The following CNTNAP5 variants were observed in gnomAD, a reference collection of about 807,000 sequenced individuals.
The protein encoded by CNTNAP5 is contactin associated protein family member 5.
CNTNAP5 carries 72 observed loss-of-function variants against 150.2 expected under a neutral mutation model. That is an observed-to-expected ratio of 0.48 (90% CI 0.40 to 0.58). CNTNAP5 has a LOEUF of 0.58. Among genes scored for constraint, CNTNAP5 ranks in the 20% least tolerant of loss-of-function variants. The pLI is 0.00. For synonymous variants in CNTNAP5, 672 were observed against 619.8 expected, an observed-to-expected ratio of 1.08 and a Z score of -1.25; for missense variants, 1,636 against 1,626.2, an observed-to-expected ratio of 1.01 and a Z score of -0.10.
At chr2:124,070,403 A>G (rs1682275842) in intron 1 of CNTNAP5, among the ~76,000 whole-genome samples, 1 of 135,550 alleles carries the variant, frequency 7.4e-6, no homozygotes, top group Non-Finnish European at 1.7e-5. Context: ...GGGGAAAAAA[A>G]AAAAAAAAAA....
At chr2:124,610,197 T>A (rs1272912245) in intron 12 of CNTNAP5, among the ~76,000 whole-genome samples, 1 of 152,280 alleles carries the variant, frequency 6.6e-6, no homozygotes, top group East Asian at 1.9e-4. Context: ...CAAGGGCATT[T>A]TCTCTCCTGA....
intron 3 of CNTNAP5, among the ~76,000 whole-genome samples, chr2:124,385,987 A>G (rs1037732522): frequency 7.6e-6 from 1 of 132,316 alleles, no homozygotes; most frequent in African/African-American, 2.6e-5. Context: ...GCACGTAGAC[A>G]ACATCGATGT....
At chr2:124,487,656 T>C (rs1481673056) in intron 7 of CNTNAP5, among the ~76,000 whole-genome samples, 1 of 151,976 alleles carries the variant, frequency 6.6e-6, no homozygotes, top group Admixed American at 6.6e-5. Flanking sequence ...GAAGCTCATT[T>C]CATGTGCATG....
chr2:124,280,575 G>C (rs72962899), intron 3 of CNTNAP5, among the ~76,000 whole-genome samples: 1 of 152,188 alleles, frequency 6.6e-6, no homozygotes, highest in East Asian at 1.9e-4. Context: ...AATGGCGAGT[G>C]ATTTCAGCAC....
At position 124,902,873 on chromosome 2, in the gene CNTNAP5, A is replaced by T. The variant is rs1678441781; in HGVS notation, c.3437-9A>T. On this transcript the variant is annotated splice_polypyrimidine_tract_variant and intron_variant, in intron 21 of 23. Coordinates refer to ENST00000682447, the MANE Select transcript of CNTNAP5 (RefSeq NM_001367498.1). ...AGTAAAGGACTTCTGATTATCTTTTACATTGCAGAGAATCTTGGTTTGGAT... is the reference window on the plus strand; with the variant it reads ...AGTAAAGGACTTCTGATTATCTTTTTCATTGCAGAGAATCTTGGTTTGGAT... 6.3e-7 allele frequency: 1 copy of T among 1,595,658 alleles called. No individual in the cohort carries two copies. The highest frequency in any genetic ancestry group is 2.3e-5 in the East Asian group (1 of 44,372).
rs931958215 is a variant in CNTNAP5 at position 124,093,371 on chromosome 2, A to G, written c.82+67639A>G. 6.6e-5 allele frequency among the ~76,000 whole-genome samples: 10 copies of G among 152,342 alleles called. No individual in the cohort carries two copies. In the East Asian group the frequency reaches 1.9e-3, roughly 29 times the overall value. ...TCTAGAAGAGACTGGCACATGATCAATTCAATGAGCAGTTACTATTATGAT... is the reference window on the plus strand; with the variant it reads ...TCTAGAAGAGACTGGCACATGATCAGTTCAATGAGCAGTTACTATTATGAT... On this transcript the variant is annotated intron_variant, in intron 1 of 23. Transcript: ENST00000682447.
chr2:124,152,475 T>C (rs758498623), intron 1 of CNTNAP5, among the ~76,000 whole-genome samples: 3 of 152,188 alleles, frequency 2.0e-5, no homozygotes, highest in Non-Finnish European at 4.4e-5. Context: ...TCCCTTTTGC[T>C]CATTCCTTTG....
intron 1 of CNTNAP5, among the ~76,000 whole-genome samples, chr2:124,128,078 A>G (rs1266367313): frequency 1.3e-5 from 2 of 152,226 alleles, no homozygotes; most frequent in Non-Finnish European, 2.9e-5. Context: ...ATTAAACTAA[A>G]GAGCTTCTGC....
At chr2:124,042,200 G>A (rs1178301970) in intron 1 of CNTNAP5, among the ~76,000 whole-genome samples, 4 of 152,108 alleles carry the variant, frequency 2.6e-5, no homozygotes, top group African/African-American at 9.7e-5. Context: ...CCAGCATTTA[G>A]ACTTATAGAG....
chr2:124,798,278 T>C lies in CNTNAP5; in HGVS notation c.3175T>C (p.Ser1059Pro). Reference protein sequence around the residue: ...QAPSLLLFINSSSQDFVVVLL... With the variant: ...QAPSLLLFINPSSQDFVVVLL... Reference sequence around the variant, plus strand: ...ACCCAGTCTTTTGCTCTTTATCAATTCTTCTTCTCAGGACTTCGTGGTTGT... The same window carrying C: ...ACCCAGTCTTTTGCTCTTTATCAATCCTTCTTCTCAGGACTTCGTGGTTGT... The change falls in exon 19 of 24, where the codon TCT (serine) becomes CCT (proline). Residue 1059 changes from serine to proline, a missense_variant. By Grantham distance (74) the Ser-to-Pro change is moderately conservative. Coordinates refer to ENST00000682447, the MANE Select transcript of CNTNAP5 (RefSeq NM_001367498.1). 6.2e-7 allele frequency: 1 copy of C among 1,613,878 alleles called. No homozygotes were observed. Among genetic ancestry groups the C allele is most frequent in the South Asian group, 1.1e-5 (1 of 91,072 alleles).
chr2:124,396,644 C>A (rs1691252813), intron 3 of CNTNAP5, among the ~76,000 whole-genome samples: 1 of 152,062 alleles, frequency 6.6e-6, no homozygotes, highest in Non-Finnish European at 1.5e-5. Context: ...CAATATTATA[C>A]CTTTTCTAAT....
At chr2:124,117,712 G>A (rs1033182314) in intron 1 of CNTNAP5, among the ~76,000 whole-genome samples, 2 of 152,166 alleles carry the variant, frequency 1.3e-5, no homozygotes, top group African/African-American at 4.8e-5. Context: ...CTCCTGTTCT[G>A]CACTCAAGCA....
intron 3 of CNTNAP5, among the ~76,000 whole-genome samples, chr2:124,340,511 C>G (rs1689583379): frequency 6.6e-6 from 1 of 151,978 alleles, no homozygotes; most frequent in Non-Finnish European, 1.5e-5. Flanking sequence ...AACAAAGCAC[C>G]TCTGAGCTCT....
rs146881741 is a variant in CNTNAP5 at position 124,772,855 on chromosome 2, G to A, written c.2590G>A (p.Val864Ile). 62 of 1,613,730 alleles carry A rather than the reference G, an allele frequency of 3.8e-5. No individual in the cohort carries two copies. The East Asian group carries it at 1.3e-3, about 34-fold the overall frequency. Reference sequence around the variant, plus strand: ...TGGGAATGGTCCTGTGGAGCTTGTAGTCCAGTCTCCTTCTCTTCTGAATGA... The same window carrying A: ...TGGGAATGGTCCTGTGGAGCTTGTAATCCAGTCTCCTTCTCTTCTGAATGA... ...DVGNGPVELVVQSPSLLNDNQ... is the reference protein window; with the variant it reads ...DVGNGPVELVIQSPSLLNDNQ... The change falls in exon 17 of 24, where the codon GTC becomes ATC. Residue 864 changes from valine (V) to isoleucine (I), a missense_variant. Physicochemically the swap from Val to Ile is conservative, Grantham distance 29. Coordinates refer to ENST00000682447, the MANE Select transcript of CNTNAP5 (RefSeq NM_001367498.1).
intron 1 of CNTNAP5, among the ~76,000 whole-genome samples, chr2:124,162,712 A>G (rs1684713441): frequency 6.6e-6 from 1 of 152,232 alleles, no homozygotes; most frequent in African/African-American, 2.4e-5. Context: ...AATTAAGAGA[A>G]AAACACTAAT....
chr2:124,909,870 T>G (rs562401895), intron 22 of CNTNAP5, among the ~76,000 whole-genome samples: 6 of 143,478 alleles, frequency 4.2e-5, no homozygotes, highest in African/African-American at 1.5e-4. Context: ...TTCTTCTCCA[T>G]GTATGTATGC....
intron 1 of CNTNAP5, among the ~76,000 whole-genome samples, chr2:124,089,154 A>AT (rs1245086710): frequency 1.3e-5 from 2 of 152,102 alleles, no homozygotes; most frequent in East Asian, 1.9e-4. Context: ...GTTCTCTACA[A>AT]TTTTCAGTCT....
At chr2:124,706,816 GAGGAGGAGGAAGAGGAGGAGGGGGAGGA>G (rs1211901096) in intron 13 of CNTNAP5, among the ~76,000 whole-genome samples, 1 of 12,688 alleles carries the variant, frequency 7.9e-5, no homozygotes, top group African/African-American at 3.1e-4. Flanking sequence ...GGAGGAGGAG[GAGGAGGAGGAAGAGGAGGAGGGGGAGGA>G]AGGAGGAGGA....
At chr2:124,599,317 G>T (rs961336060) in intron 11 of CNTNAP5, among the ~76,000 whole-genome samples, 1 of 151,902 alleles carries the variant, frequency 6.6e-6, no homozygotes. Context: ...GATTTGAGTT[G>T]CCTTTATCAA....
Sources: gnomAD v4.1 joint callset for allele counts (sites outside exome capture counted in the v4.1 genomes callset) on GRCh38, gnomAD v4.1.1 for gene constraint, MANE v1.5 for transcripts, NCBI Gene and HGNC (gene_info 2026-07-23, HGNC 2026-07-21) for gene names.